SNX29: variants seen among roughly 807,000 people sequenced by gnomAD.
The protein encoded by SNX29 is sorting nexin-29.
Under a neutral mutation model 102.1 loss-of-function variants are expected in SNX29, and 78 were observed. That is an observed-to-expected ratio of 0.76 (90% confidence interval 0.64 to 0.92). The LOEUF (loss-of-function observed/expected upper bound fraction) is 0.92. SNX29 is among the 40% of genes least tolerant of loss of function. The pLI is 0.00. For missense variants in SNX29, 1,280 were observed against 1,061.7 expected, an observed-to-expected ratio of 1.21 and a Z score of -2.86; for synonymous variants, 580 against 414.5, an observed-to-expected ratio of 1.40 and a Z score of -4.85.
At chr16:12,534,444 A>G (rs929597977) in intron 20 of SNX29, among the ~76,000 whole-genome samples, 1 of 152,232 alleles carries the variant, frequency 6.6e-6, no homozygotes, top group Non-Finnish European at 1.5e-5. Flanking sequence ...GCCTGTAGAA[A>G]GAACGCAGAT....
chr16:12,181,080 T>A (rs903021617), intron 13 of SNX29, among the ~76,000 whole-genome samples: 2 of 152,220 alleles, frequency 1.3e-5, no homozygotes, highest in Non-Finnish European at 2.9e-5. Flanking sequence ...GAGGTGGGCC[T>A]GGGTTACCGT....
At chr16:12,408,894 C>G (rs2084281669) in intron 18 of SNX29, among the ~76,000 whole-genome samples, 1 of 152,210 alleles carries the variant, frequency 6.6e-6, no homozygotes, top group Non-Finnish European at 1.5e-5. Flanking sequence ...AGAGCCCCCA[C>G]TACTTCTATT....
At position 12,029,617 on chromosome 16, in the gene SNX29, A is replaced by G. The variant is rs1245826050; in HGVS notation, c.247+2173A>G. 5.6e-5 allele frequency: 25 copies of G among 446,568 alleles called. 1 individual carries two copies. The highest frequency in any genetic ancestry group is 5.5e-4 in the Admixed American group (23 of 41,452). The allele number at this position is 446,568 out of a possible 1,614,324, so 27.7% of individuals were successfully genotyped here. ...GATTTTTTTTTTTTTTTTTAGATGG[A>G]GCCTCACTCTGTTGCCCAGTCTGGA... On this transcript the variant is annotated intron_variant, in intron 4 of 20. Transcript: ENST00000566228.
intron 14 of SNX29, among the ~76,000 whole-genome samples, chr16:12,226,544 A>AG (rs1282969348): frequency 1.3e-5 from 2 of 148,632 alleles, no homozygotes; most frequent in African/African-American, 2.5e-5. Context: ...TTGGGTTTCC[A>AG]GGGGAGCTGA....
chr16:12,162,880 G>T (rs2055849798), intron 13 of SNX29, among the ~76,000 whole-genome samples: 1 of 150,980 alleles, frequency 6.6e-6, no homozygotes, highest in African/African-American at 2.5e-5. Context: ...CATAGTTGTT[G>T]CTTTGTTTTT....
intron 13 of SNX29, among the ~76,000 whole-genome samples, chr16:12,159,753 G>T (rs1287052977): frequency 6.6e-6 from 1 of 152,174 alleles, no homozygotes; most frequent in African/African-American, 2.4e-5. Context: ...TCCCCAGTAG[G>T]ACTGGGAGAA....
At chr16:12,110,885 G>A (rs1319609190) in intron 11 of SNX29, among the ~76,000 whole-genome samples, 2 of 151,718 alleles carry the variant, frequency 1.3e-5, no homozygotes, top group African/African-American at 4.8e-5. Context: ...GTGCAGTGGT[G>A]CGATCATAGC....
chr16:12,553,888 G>C (rs773751467), intron 20 of SNX29, among the ~76,000 whole-genome samples: 2 of 151,920 alleles, frequency 1.3e-5, no homozygotes, highest in Non-Finnish European at 2.9e-5. Flanking sequence ...CTTTTGCCTA[G>C]GCTGGAGTGC....
chr16:12,402,807 GT>G (rs1242571475), intron 17 of SNX29, among the ~76,000 whole-genome samples: 2 of 152,192 alleles, frequency 1.3e-5, no homozygotes, highest in African/African-American at 2.4e-5. Context: ...TATACACAGT[GT>G]TTTTGGAAAA....
At position 12,491,990 on chromosome 16, in the gene SNX29, A is replaced by C. The variant is rs373909950; in HGVS notation, c.2178+14131A>C. On this transcript the variant is annotated intron_variant, in intron 19 of 20. Transcript: ENST00000566228. Reference sequence around the variant, plus strand: ...TTGTGAATAGTGCCGCAATAAACATACGTGTGCGTGTGTCTTTATAGCAGC... The same window carrying C: ...TTGTGAATAGTGCCGCAATAAACATCCGTGTGCGTGTGTCTTTATAGCAGC... Among the ~76,000 whole-genome samples, 325 of 152,328 alleles carry C rather than the reference A, an allele frequency of 2.1e-3. 12 individuals are homozygous for C. The East Asian group carries it at 0.057, about 27-fold the overall frequency.
intron 20 of SNX29, among the ~76,000 whole-genome samples, chr16:12,556,045 C>A (rs116450590): frequency 1.3e-5 from 2 of 151,998 alleles, no homozygotes; most frequent in East Asian, 1.9e-4. Flanking sequence ...TGCTGAGTGA[C>A]GCTTAAAGGG....
intron 15 of SNX29, among the ~76,000 whole-genome samples, chr16:12,321,687 A>G (rs545044826): frequency 6.6e-6 from 1 of 152,274 alleles, no homozygotes; most frequent in South Asian, 2.1e-4. Flanking sequence ...TGGGCCTCCA[A>G]CCAGCCTGTG....
chr16:12,540,022 T>G (rs551867640), intron 20 of SNX29, among the ~76,000 whole-genome samples: 1 of 152,240 alleles, frequency 6.6e-6, no homozygotes, highest in Non-Finnish European at 1.5e-5. Flanking sequence ...ATGACACCTT[T>G]TTAATTTTGA....
intron 20 of SNX29, among the ~76,000 whole-genome samples, chr16:12,567,573 C>T (rs1270750090): frequency 1.3e-5 from 2 of 152,016 alleles, no homozygotes; most frequent in South Asian, 4.2e-4. Context: ...CACTTGAGAC[C>T]AGCCTGGACA....
chr16:12,529,287 C>G (rs1164707587), intron 20 of SNX29, among the ~76,000 whole-genome samples: 1 of 152,176 alleles, frequency 6.6e-6, no homozygotes, highest in Non-Finnish European at 1.5e-5. Context: ...CCTCCCAACA[C>G]CCACATCTTT....
intron 19 of SNX29, among the ~76,000 whole-genome samples, chr16:12,493,184 T>C (rs535289990): frequency 1.3e-5 from 2 of 152,390 alleles, no homozygotes; most frequent in East Asian, 3.9e-4. Context: ...TTCTTCCATT[T>C]GATGGAATGT....
At chr16:12,537,074 T>G (rs182570611) in intron 20 of SNX29, among the ~76,000 whole-genome samples, 17 of 152,284 alleles carry the variant, frequency 1.1e-4, no homozygotes, top group African/African-American at 3.9e-4. Context: ...ACGATGTAGA[T>G]TTATCCATGT....
chr16:12,499,603 C>T (rs546032934), intron 19 of SNX29, among the ~76,000 whole-genome samples: 1 of 152,204 alleles, frequency 6.6e-6, no homozygotes, highest in East Asian at 1.9e-4. Context: ...AGCATATTCA[C>T]AGGATCAGAC....
chr16:12,321,709 C>T (rs1047501809), intron 15 of SNX29, among the ~76,000 whole-genome samples: 2 of 152,152 alleles, frequency 1.3e-5, no homozygotes, highest in Non-Finnish European at 2.9e-5. Flanking sequence ...ATACCCAGGT[C>T]TTATGAGGGC....
Sources: gnomAD v4.1 joint callset for allele counts (sites outside exome capture counted in the v4.1 genomes callset) on GRCh38, gnomAD v4.1.1 for gene constraint, MANE v1.5 for transcripts, NCBI Gene and HGNC (gene_info 2026-07-23, HGNC 2026-07-21) for gene names.